The following EVPL variants were observed in gnomAD, a reference collection of about 807,000 sequenced individuals.
EVPL encodes envoplakin.
A neutral mutation model predicts 129.7 loss-of-function variants in EVPL; 94 were observed. The ratio of observed to expected loss-of-function variants is 0.72; its 90% confidence interval spans 0.61 to 0.86. EVPL has a LOEUF of 0.86. Ranked by LOEUF, EVPL falls within the 40% of genes least tolerant of loss-of-function variation. The probability of loss-of-function intolerance (pLI) is 0.00; values close to 1 mark genes in which losing one functional copy is unlikely to be tolerated. For missense variants in EVPL, 2,625 were observed against 2,721.1 expected (o/e 0.96, Z 0.79); for synonymous variants, 1,172 against 1,191.1 (o/e 0.98, Z 0.33).
Position 76,010,189 on chromosome 17 carries a change from T to C in EVPL, c.3016A>G (p.Lys1006Glu). ...AGATGAGGCTGCATGGTCTTCCTCT[T>C]GCTTTCCAGCTGCACGACCTTCTGG... ...AAQKVVQLES[K>E]RKTMQPHLLT... Residue 1006 changes from lysine (K) to glutamate (E), a missense_variant, in exon 22 of 22, where the codon AAG (lysine) becomes GAG (glutamate). Coordinates refer to ENST00000301607, the MANE Select transcript of EVPL (RefSeq NM_001988.4). 6.2e-7 allele frequency: 1 copy of C among 1,614,058 alleles called. No homozygotes were observed. Among genetic ancestry groups the C allele is most frequent in the Non-Finnish European group, 8.5e-7 (1 of 1,180,014 alleles).
chr17:76,018,642 C>G (rs766339319), intron 11 of EVPL, 42 bp from the exon 12 acceptor site: 1 of 1,561,406 alleles, frequency 6.4e-7, no homozygotes, highest in East Asian at 2.3e-5. Flanking sequence ...GGCTCAGGGG[C>G]AGGGGGCCAA....
intron 1 of EVPL, among the ~76,000 whole-genome samples, chr17:76,025,106 T>C (rs962585317): frequency 5.9e-5 from 9 of 152,226 alleles, no homozygotes; most frequent in African/African-American, 2.2e-4. Flanking sequence ...GATGATGGAC[T>C]TGACCTTGGT....
Position 76,010,328 on chromosome 17 carries a change from C to T in EVPL, c.2877G>A (p.Val959=). The part of the protein sequence containing the change: ...RPLERLEEKE[V]VEFYRDPQLE... The stretch of plus-strand genomic sequence containing the variant: ...GCTGGGGGTCCCGGTAGAACTCTAC[C>T]ACTTCCTTCTCCTCCAGCCTCTCCA... The change falls in exon 22 of 22, where the codon GTG becomes GTA. Residue 959 remains valine (V), a synonymous_variant. Coordinates refer to ENST00000301607, the MANE Select transcript of EVPL (RefSeq NM_001988.4). The T allele has an allele frequency of 1.2e-6, 2 of 1,613,926 alleles. No individual in the cohort carries two copies. The highest frequency in any genetic ancestry group is 2.2e-5 in the East Asian group (1 of 44,870).
chr17:76,025,011 C>A (rs1029440520), intron 1 of EVPL, among the ~76,000 whole-genome samples: 2 of 152,176 alleles, frequency 1.3e-5, no homozygotes, highest in African/African-American at 4.8e-5. Flanking sequence ...CCCCCCCAGG[C>A]AAAGGGACAG....
chr17:76,015,518 G>A lies in EVPL; in HGVS notation c.1821C>T (p.Pro607=), dbSNP rs780124716. 5.0e-6 allele frequency: 8 copies of A among 1,612,928 alleles called. No homozygotes were observed. Among genetic ancestry groups the A allele is most frequent in the East Asian group, 4.5e-5 (2 of 44,884 alleles). The change falls in exon 15 of 22, where the codon CCC becomes CCT. Residue 607 remains proline (P), a synonymous_variant. Coordinates refer to ENST00000301607, the MANE Select transcript of EVPL (RefSeq NM_001988.4). ...RPVGPAALQL[P]VALNSVKNKF... is the part of the protein sequence containing the mutation. ...TGTTCTTCACGCTGTTGAGGGCTACGGGCAGCTGCAGGGCAGCGGGGCCCA... is the reference window on the plus strand; with the variant it reads ...TGTTCTTCACGCTGTTGAGGGCTACAGGCAGCTGCAGGGCAGCGGGGCCCA...
Position 76,015,600 on chromosome 17 carries a change from C to T in EVPL, c.1739G>A (p.Gly580Glu), listed in dbSNP as rs1301402750. 6.2e-7 allele frequency: 1 copy of T among 1,613,498 alleles called. No individual in the cohort carries two copies. The change falls in exon 15 of 22, where the codon GGA becomes GAA. Residue 580 changes from glycine to glutamate, a missense_variant. Physicochemically the swap from Gly to Glu is moderately conservative, Grantham distance 98. Coordinates refer to ENST00000301607, the MANE Select transcript of EVPL (RefSeq NM_001988.4). ...EGTAQRLQSL[G>E]TEKETAQKEC... ...CTTCTGGGCTGTCTCCTTCTCCGTT[C>T]CCAGGCTCTGCAGGCGCTGGGCTGT...
chr17:76,022,186 C>T lies in EVPL; in HGVS notation c.645+3G>A. On this transcript the variant is annotated splice_donor_region_variant and intron_variant, in intron 6 of 21. Transcript: ENST00000301607. The surrounding 1 kb of genome is among the most constrained non-coding windows in gnomAD (Gnocchi z 5.6). ...TCCCTGCCCGACCCTCCCTCCTGCTCACCAGTAGGTCTCGGTATTGGCTCC... is the reference window on the plus strand; with the variant it reads ...TCCCTGCCCGACCCTCCCTCCTGCTTACCAGTAGGTCTCGGTATTGGCTCC... The T allele has an allele frequency of 3.1e-6, 5 of 1,612,870 alleles. No homozygotes were observed. Among genetic ancestry groups the T allele is most frequent in the Non-Finnish European group, 4.2e-6 (5 of 1,179,764 alleles).
At chr17:76,011,266 G>C (rs1044526442) in intron 21 of EVPL, among the ~76,000 whole-genome samples, 1 of 152,160 alleles carries the variant, frequency 6.6e-6, no homozygotes, top group Admixed American at 6.5e-5. Context: ...TGAGGGTGAA[G>C]CTCTAGGGGA....
In EVPL at chr17:76,021,677, G is replaced by C. The variant is rs1289822300; in HGVS notation, c.912C>G (p.Ile304Met). ...CTCTCGCCCTGCCCCAGCGCACCTGGATGGGCCCCACCGCGGGGTGCCGCA... is the reference window on the plus strand; with the variant it reads ...CTCTCGCCCTGCCCCAGCGCACCTGCATGGGCCCCACCGCGGGGTGCCGCA... ...VELRHPAVGP[I>M]QAHQEALKME... Residue 304 changes from isoleucine (I) to methionine (M), a missense_variant, in exon 8 of 22, where the codon ATC becomes ATG. Ile to Met is a conservative substitution (Grantham distance 10). Coordinates refer to ENST00000301607, the MANE Select transcript of EVPL (RefSeq NM_001988.4). 1.4e-6 allele frequency: 2 copies of C among 1,469,418 alleles called. No individual in the cohort carries two copies. The highest frequency in any genetic ancestry group is 1.8e-5 in the Admixed American group (1 of 54,482). The allele number at this position is 1,469,418 out of a possible 1,614,324, so 91.0% of individuals were successfully genotyped here.
intron 9 of EVPL, 127 bp downstream of exon 9, chr17:76,021,341 C>T (rs1020184941): frequency 3.5e-5 from 30 of 861,942 alleles, no homozygotes; most frequent in Admixed American, 1.2e-4. Context: ...CAGGTGTGAG[C>T]CACCGCGCCC....
rs2066379571 is a variant in EVPL at position 76,011,857 on chromosome 17, T to G, written c.2483A>C (p.Tyr828Ser). The change falls in exon 20 of 22, where the codon TAC (tyrosine) becomes TCC (serine). Residue 828 changes from tyrosine (Y) to serine (S), a missense_variant. Physicochemically the swap from Tyr to Ser is moderately radical, Grantham distance 144. Coordinates refer to ENST00000301607, the MANE Select transcript of EVPL (RefSeq NM_001988.4). ...CAGGGTGGGCTCCAAAGAGCAGCGGTAGGTGTCTGCCTGGAGCTCATAGTC... is the reference window on the plus strand; with the variant it reads ...CAGGGTGGGCTCCAAAGAGCAGCGGGAGGTGTCTGCCTGGAGCTCATAGTC... ...LQDYELQADTYRCSLEPTLAV... is the reference protein window; with the variant it reads ...LQDYELQADTSRCSLEPTLAV... The G allele has an allele frequency of 6.2e-7, 1 of 1,613,292 alleles. No individual in the cohort carries two copies. Among genetic ancestry groups the G allele is most frequent in the Non-Finnish European group, 8.5e-7 (1 of 1,179,802 alleles).
intron 14 of EVPL, among the ~76,000 whole-genome samples, chr17:76,016,631 T>C (rs144399715): frequency 2.6e-5 from 4 of 151,606 alleles, no homozygotes; most frequent in African/African-American, 7.3e-5. Flanking sequence ...AATAATAATA[T>C]GGCCAAGTGC....
intron 2 of EVPL, 45 bp downstream of exon 2, chr17:76,023,976 C>T (rs774448203): frequency 1.9e-6 from 3 of 1,577,854 alleles, no homozygotes; most frequent in African/African-American, 1.4e-5. Context: ...GCCTCCCATG[C>T]CACCCAGCCT....
In EVPL at chr17:76,008,053, C is replaced by T; in HGVS notation, c.5152G>A (p.Glu1718Lys). 3 of 1,614,208 alleles carry T rather than the reference C, an allele frequency of 1.9e-6. No individual in the cohort carries two copies. Among genetic ancestry groups the T allele is most frequent in the Non-Finnish European group, 2.5e-6 (3 of 1,180,042 alleles). Reference sequence around the variant, plus strand: ...ACCTCCTCCCAGTCACACTCGAGCTCCTGCAGCTGCAAGTACTGGCCCCTG... The same window carrying T: ...ACCTCCTCCCAGTCACACTCGAGCTTCTGCAGCTGCAAGTACTGGCCCCTG... ...IDRGQYLQLQ[E>K]LECDWEEVTT... is the part of the protein sequence containing the mutation. Residue 1718 changes from glutamate to lysine, a missense_variant, in exon 22 of 22, where the codon GAG (glutamate) becomes AAG (lysine). Glu to Lys is a moderately conservative substitution (Grantham distance 56). Coordinates refer to ENST00000301607, the MANE Select transcript of EVPL (RefSeq NM_001988.4). The surrounding 1 kb of genome is among the most constrained non-coding windows in gnomAD (Gnocchi z 7.4).
Position 76,015,009 on chromosome 17 carries a change from A to T in EVPL, c.2129T>A (p.Phe710Tyr). 1 of 1,596,448 alleles carries T rather than the reference A, an allele frequency of 6.3e-7. No homozygotes were observed. The highest frequency in any genetic ancestry group is 8.5e-7 in the Non-Finnish European group (1 of 1,176,832). The change falls in exon 17 of 22, where the codon TTC (phenylalanine) becomes TAC (tyrosine). Residue 710 changes from phenylalanine (F) to tyrosine (Y), a missense_variant. Transcript: ENST00000301607. ...AGGCAGGTCTTGGCAGAACTCCTGGAAGTTGTTCTGCAGGGCAGCGCATGC... is the reference window on the plus strand; with the variant it reads ...AGGCAGGTCTTGGCAGAACTCCTGGTAGTTGTTCTGCAGGGCAGCGCATGC... ...EHACAALQNN[F>Y]QEFCQDLPRQ...
Position 76,010,181 on chromosome 17 carries a change from C to T in EVPL, c.3024G>A (p.Lys1008=), listed in dbSNP as rs1467863589. 8 of 1,614,000 alleles carry T rather than the reference C, an allele frequency of 5.0e-6. No homozygotes were observed. The Middle Eastern group carries it at 4.9e-4, about 99-fold the overall frequency. ...QKVVQLESKR[K]TMQPHLLTKE... ...TGGTCAGCAGATGAGGCTGCATGGTCTTCCTCTTGCTTTCCAGCTGCACGA... is the reference window on the plus strand; with the variant it reads ...TGGTCAGCAGATGAGGCTGCATGGTTTTCCTCTTGCTTTCCAGCTGCACGA... Residue 1008 remains lysine (K), a synonymous_variant, in exon 22 of 22, where the codon AAG becomes AAA. Transcript: ENST00000301607.
At position 76,007,493 on chromosome 17, in the gene EVPL, G is replaced by A. The variant is rs114576181; in HGVS notation, c.5712C>T (p.Thr1904=). 1,920 of 1,613,218 alleles carry A rather than the reference G, an allele frequency of 1.2e-3. 15 individuals carry two copies. The African/African-American group carries it at 0.022, about 19-fold the overall frequency. ...QRLLNAQKAF[T]GIEDPVTKKR... ...TCTTGGTGACGGGGTCCTCGATGCCGGTGAAGGCCTTCTGGGCGTTAAGCA... is the reference window on the plus strand; with the variant it reads ...TCTTGGTGACGGGGTCCTCGATGCCAGTGAAGGCCTTCTGGGCGTTAAGCA... The change falls in exon 22 of 22, where the codon ACC becomes ACT. Residue 1904 remains threonine (T), a synonymous_variant. Transcript: ENST00000301607. The surrounding 1 kb of genome is among the most constrained non-coding windows in gnomAD (Gnocchi z 8.8).
At position 76,008,572 on chromosome 17, in the gene EVPL, T is replaced by TGTTGAGC; in HGVS notation, c.4626_4632dup (p.Arg1545AlafsTer23). 1 of 1,610,596 alleles carries TGTTGAGC rather than the reference T, an allele frequency of 6.2e-7. No individual in the cohort carries two copies. The highest frequency in any genetic ancestry group is 8.5e-7 in the Non-Finnish European group (1 of 1,179,996). ...CGGGCCTGCCGGGCCGTGCGCTCCC[T>TGTTGAGC]GTTGAGCATCTCCCACACGCGGGCC... On this transcript the variant is annotated frameshift_variant, in exon 22 of 22. Coordinates refer to ENST00000301607, the MANE Select transcript of EVPL (RefSeq NM_001988.4). LOFTEE classifies it low-confidence loss of function (END_TRUNC). This position sits in a 1 kb window ranked among gnomAD's most constrained non-coding sequence, Gnocchi z 7.4.
Position 76,018,176 on chromosome 17 carries a change from G to T in EVPL, c.1522C>A (p.Arg508=), listed in dbSNP as rs767127961. 1 of 1,551,006 alleles carries T rather than the reference G, an allele frequency of 6.4e-7. No individual in the cohort carries two copies. Among genetic ancestry groups the T allele is most frequent in the Non-Finnish European group, 8.7e-7 (1 of 1,146,840 alleles). Residue 508 remains arginine (R), a synonymous_variant, in exon 13 of 22, where the codon CGG becomes AGG. Transcript: ENST00000301607. ...RLKASAVESL[R]PSQQAPSGSD... ...CCCTGGGTACCCTGCTGGCTGGGCC[G>T]AAGAGACTCCACAGCACTGGCCTTC...
Sources: allele counts gnomAD v4.1 joint callset (sites outside exome capture counted in the v4.1 genomes callset), GRCh38; gene constraint gnomAD v4.1.1; non-coding constraint Gnocchi (gnomAD v3.1); transcripts MANE v1.5; gene names NCBI Gene and HGNC (gene_info 2026-07-23, HGNC 2026-07-21).